Variants in ERLIN2 observed in about 807,000 individuals in gnomAD.
ERLIN2 encodes the protein erlin-2.
A neutral mutation model predicts 41.5 loss-of-function variants in ERLIN2; 22 were observed. That is an observed-to-expected ratio of 0.53 (90% CI 0.38 to 0.76). The LOEUF is 0.76. Among genes scored for constraint, ERLIN2 ranks in the 30% least tolerant of loss-of-function variants. The pLI, the probability that ERLIN2 is intolerant of heterozygous loss-of-function variation, is 0.00. For synonymous variants in ERLIN2, 149 were observed against 150.9 expected, an observed-to-expected ratio of 0.99 and a Z score of 0.09; for missense variants, 247 against 414.3, an observed-to-expected ratio of 0.60 and a Z score of 3.51.
rs372855030 is a variant in ERLIN2, at chr8:37,751,758, C to T, written c.739+43C>T. On this transcript the variant is annotated intron_variant, in intron 10 of 11. Transcript: ENST00000519638. ...TCATGCCTGAGTCCTCCTCAGACCC[C>T]GCCCTGTGGCCAGTGGGTTGGGGAG... The T allele has an allele frequency of 3.1e-5, 45 of 1,467,826 alleles. No individual in the cohort carries two copies. In the African/African-American group the frequency reaches 4.7e-4, roughly 15 times the overall value. 90.9% of individuals were successfully genotyped at this position (1,467,826 alleles called of 1,614,324 possible). A position where few individuals can be genotyped will look rare whatever the true frequency, so the allele number is the denominator to read the frequency against.
At chr8:37,749,224 C>T (rs533246038) in intron 6 of ERLIN2, among the ~76,000 whole-genome samples, 46 of 152,338 alleles carry the variant, frequency 3.0e-4, no homozygotes, top group East Asian at 1.7e-3. Context: ...TGCTGCCTCA[C>T]GCAAGAAATG....
Position 37,741,801 on chromosome 8 carries a change from T to C in ERLIN2, c.219T>C (p.Asn73=), listed in dbSNP as rs377044758. The change falls in exon 4 of 12, where the codon AAT becomes AAC. Residue 73 remains asparagine (N), a synonymous_variant. Transcript: ENST00000519638. The surrounding 1 kb of genome is among the most constrained non-coding windows in gnomAD (Gnocchi z 4.8). ...CACTCCAGACAGATGAGGTGAAGAA[T>C]GTACCTTGTGGGACTAGGTAAGGTA... ...QTTLQTDEVK[N]VPCGTSGGVM... 5.0e-5 allele frequency: 80 copies of C among 1,613,594 alleles called. No homozygotes were observed. The highest frequency in any genetic ancestry group is 6.7e-5 in the Admixed American group (4 of 60,010).
At position 37,737,893 on chromosome 8, in the gene ERLIN2, G is replaced by A. The variant is rs548413025; in HGVS notation, c.-15-15G>A. The A allele has an allele frequency of 3.7e-6, 6 of 1,613,724 alleles. No homozygotes were observed. The highest frequency in any genetic ancestry group is 1.7e-4 in the Middle Eastern group (1 of 5,866). On this transcript the variant is annotated splice_polypyrimidine_tract_variant and intron_variant, in intron 1 of 11. Coordinates refer to ENST00000519638, the MANE Select transcript of ERLIN2 (RefSeq NM_007175.8). ...CACGTTGGACCACACACATTTTCCC[G>A]TGTCTTTTCCCTAGGATAAAGGCTC...
intron 6 of ERLIN2, chr8:37,746,176 G>A (rs576674017): frequency 3.0e-6 from 3 of 987,928 alleles, no homozygotes; most frequent in African/African-American, 3.5e-5. Flanking sequence ...TAAAGGAGGA[G>A]CTCATGTCTC....
At chr8:37,740,634 A>C in intron 3 of ERLIN2, 188 bp downstream of exon 3, 1 of 172,308 alleles carries the variant, frequency 5.8e-6, no homozygotes, top group Non-Finnish European at 1.2e-5. Flanking sequence ...TATATATAAA[A>C]TGAGGCTGGG....
In ERLIN2 at chr8:37,756,901, C is replaced by T. The variant is rs2129741285; in HGVS notation, c.*2786C>T. ...TCACCTTGGTTGAATGTTTCTCACTCATTAAACTTTGCAGAAGTGATTCAT... is the reference window on the plus strand; with the variant it reads ...TCACCTTGGTTGAATGTTTCTCACTTATTAAACTTTGCAGAAGTGATTCAT... On this transcript the variant is annotated 3_prime_UTR_variant, in exon 12 of 12. Coordinates refer to ENST00000519638, the MANE Select transcript of ERLIN2 (RefSeq NM_007175.8). 6.6e-6 allele frequency: 1 copy of T among 152,602 alleles called. No individual in the cohort carries two copies. Among genetic ancestry groups the T allele is most frequent in the Middle Eastern group, 3.4e-3 (1 of 294 alleles). The allele number at this position is 152,602 out of a possible 1,614,324, so 9.5% of individuals were successfully genotyped here.
intron 8 of ERLIN2, 52 bp from the exon 9 acceptor site, chr8:37,750,343 G>A (rs1803189278): frequency 7.1e-7 from 1 of 1,401,630 alleles, no homozygotes; most frequent in Non-Finnish European, 1.0e-6. Flanking sequence ...CCTGGGGATA[G>A]TGAAGCTCCT....
chr8:37,740,847 G>A (rs1802827702), intron 3 of ERLIN2: 1 of 152,720 alleles, frequency 6.5e-6, no homozygotes, highest in Admixed American at 6.5e-5. Flanking sequence ...ACTAAGTGAG[G>A]GGAGGTGACA....
intron 6 of ERLIN2, among the ~76,000 whole-genome samples, chr8:37,748,990 A>T (rs1803149937): frequency 6.6e-6 from 1 of 152,310 alleles, no homozygotes; most frequent in African/African-American, 2.4e-5. Context: ...AGAACTGTAA[A>T]TTTTAATTTT....
At chr8:37,750,715 G>T (rs182401101) in intron 9 of ERLIN2, among the ~76,000 whole-genome samples, 1 of 151,994 alleles carries the variant, frequency 6.6e-6, no homozygotes, top group Admixed American at 6.5e-5. Context: ...AGCCCCACCT[G>T]TTAATTCTTT....
rs918956904 is a variant in ERLIN2, at chr8:37,744,434, A to G, written c.298+18A>G. The G allele has an allele frequency of 1.2e-6, 2 of 1,613,332 alleles. No individual in the cohort carries two copies. The highest frequency in any genetic ancestry group is 1.7e-5 in the Admixed American group (1 of 60,014). On this transcript the variant is annotated intron_variant, in intron 5 of 11. Coordinates refer to ENST00000519638, the MANE Select transcript of ERLIN2 (RefSeq NM_007175.8). Reference sequence around the variant, plus strand: ...GAACGCAGGTACGTCTTAACAGTTTATTCCCACCACCAGCTCACTTTCCCC... The same window carrying G: ...GAACGCAGGTACGTCTTAACAGTTTGTTCCCACCACCAGCTCACTTTCCCC...
In ERLIN2 at chr8:37,749,759, C is replaced by T. The variant is rs556321002; in HGVS notation, c.499-35C>T. On this transcript the variant is annotated intron_variant, in intron 7 of 11. Transcript: ENST00000519638. ...CTGGGTGTGTCCCTCACTACCCTCA[C>T]TTTCCCATCAGCTGCTGTTTTAATC... 6.2e-6 allele frequency: 10 copies of T among 1,609,990 alleles called. No homozygotes were observed. In the South Asian group the frequency reaches 1.1e-4, roughly 18 times the overall value.
Position 37,754,997 on chromosome 8 carries a change from T to C in ERLIN2, c.*882T>C, listed in dbSNP as rs183230988. On this transcript the variant is annotated 3_prime_UTR_variant, in exon 12 of 12. Coordinates refer to ENST00000519638, the MANE Select transcript of ERLIN2 (RefSeq NM_007175.8). ...GACAGGTTATGTGTGCACCTCGAGA[T>C]GAAGTGTCTTTCTATTATTGTAGAG... is the stretch of plus-strand genomic sequence containing the variant. 1 of 152,448 alleles carries C rather than the reference T, an allele frequency of 6.6e-6. No homozygotes were observed. Among genetic ancestry groups the C allele is most frequent in the East Asian group, 1.9e-4 (1 of 5,186 alleles). 9.4% of individuals were successfully genotyped at this position (152,448 alleles called of 1,614,324 possible). A position where few individuals can be genotyped will look rare whatever the true frequency, so the allele number is the denominator to read the frequency against.
At chr8:37,750,946 C>T (rs62490677) in intron 9 of ERLIN2, among the ~76,000 whole-genome samples, 12,137 of 152,218 alleles carry the variant, frequency 0.08, 736 homozygotes, top group East Asian at 0.22. Context: ...GCCTCGAACA[C>T]TTGACCTCAT....
rs1160439732 is a variant in ERLIN2, at chr8:37,756,584, C to T, written c.*2469C>T. ...CTCTTTAAACAAAAAATATGTTATC[C>T]TACACATTAGTGTCAATCCAATGGT... is the stretch of plus-strand genomic sequence containing the variant. On this transcript the variant is annotated 3_prime_UTR_variant, in exon 12 of 12. Transcript: ENST00000519638. 1 of 152,586 alleles carries T rather than the reference C, an allele frequency of 6.6e-6. No homozygotes were observed. Among genetic ancestry groups the T allele is most frequent in the Non-Finnish European group, 1.5e-5 (1 of 68,042 alleles). The allele number at this position is 152,586 out of a possible 1,614,324, so 9.5% of individuals were successfully genotyped here.
At chr8:37,744,459 C>T (rs1563313217) in intron 5 of ERLIN2, 43 bp downstream of exon 5, 1 of 1,609,102 alleles carries the variant, frequency 6.2e-7, no homozygotes, top group Non-Finnish European at 8.5e-7. Context: ...TCACTTTCCC[C>T]AGCATGCCAC....
intron 4 of ERLIN2, 148 bp from the exon 5 acceptor site, chr8:37,744,207 C>G (rs1340614414): frequency 1.4e-5 from 11 of 786,924 alleles, no homozygotes; most frequent in Non-Finnish European, 2.3e-5. Context: ...GCAGAACCTC[C>G]CACTTGGAGA....
Position 37,749,555 on chromosome 8 carries a change from C to T in ERLIN2, c.425-4C>T, listed in dbSNP as rs915578761. On this transcript the variant is annotated splice_polypyrimidine_tract_variant and splice_region_variant and intron_variant, in intron 6 of 11. Coordinates refer to ENST00000519638, the MANE Select transcript of ERLIN2 (RefSeq NM_007175.8). ...CCTTTTTCTCCATCTTTTCTTTATT[C>T]CAGATCAGATTGATGAAAATCTCAA... The T allele has an allele frequency of 6.2e-7, 1 of 1,607,964 alleles. No homozygotes were observed. The highest frequency in any genetic ancestry group is 1.7e-5 in the Admixed American group (1 of 60,014).
Position 37,741,901 on chromosome 8 carries a change from A to C in ERLIN2, c.236+83A>C. 1 of 1,064,214 alleles carries C rather than the reference A, an allele frequency of 9.4e-7. No homozygotes were observed. The highest frequency in any genetic ancestry group is 1.5e-6 in the Non-Finnish European group (1 of 681,332). The allele number at this position is 1,064,214 out of a possible 1,614,324, so 65.9% of individuals were successfully genotyped here. ...GCTGGTTGCAGGAAGAGACAGTGAAAAGGGAGGCACCCTTTCTTGGTTAAT... is the reference window on the plus strand; with the variant it reads ...GCTGGTTGCAGGAAGAGACAGTGAACAGGGAGGCACCCTTTCTTGGTTAAT... On this transcript the variant is annotated intron_variant, in intron 4 of 11. Transcript: ENST00000519638. The surrounding 1 kb of genome is among the most constrained non-coding windows in gnomAD (Gnocchi z 4.8).
Sources: gnomAD v4.1 joint callset for allele counts (sites outside exome capture counted in the v4.1 genomes callset) on GRCh38, gnomAD v4.1.1 for gene constraint, Gnocchi (gnomAD v3.1) non-coding constraint, MANE v1.5 for transcripts, NCBI Gene and HGNC (gene_info 2026-07-23, HGNC 2026-07-21) for gene names.